DMAC2: variants seen among roughly 807,000 people sequenced by gnomAD.
The protein encoded by DMAC2 is distal membrane arm assembly component 2, also known as distal membrane-arm assembly complex protein 2.
Under a neutral mutation model 29.6 loss-of-function variants are expected in DMAC2, and 32 were observed. The observed-to-expected ratio is 1.08, with a 90% CI of 0.81 to 1.45. The LOEUF is 1.45. DMAC2 is among the 40% of genes most tolerant of loss of function. The pLI, the probability that DMAC2 is intolerant of heterozygous loss-of-function variation, is 0.00. For synonymous variants in DMAC2, 133 were observed against 137.4 expected, an observed-to-expected ratio of 0.97 and a Z score of 0.23; for missense variants, 319 against 340.0, an observed-to-expected ratio of 0.94 and a Z score of 0.49.
In DMAC2 at chr19:41,438,362, C is replaced by T. The variant is rs200646614; in HGVS notation, c.71G>A (p.Arg24His). 25 of 1,614,206 alleles carry T rather than the reference C, an allele frequency of 1.5e-5. No individual in the cohort carries two copies. The East Asian group carries it at 2.9e-4, about 19-fold the overall frequency. Residue 24 changes from arginine to histidine, a missense_variant, in exon 2 of 6, where the codon CGC becomes CAC. Physicochemically the swap from Arg to His is conservative, Grantham distance 29 (BLOSUM62 0). Transcript: ENST00000221943. ...MWNGRIRGIH[R>H]LGAAVAPEGN... ...CTCTGGGGCCACTGCCGCACCCAGG[C>T]GATGGATGCCCCTGATACGCCCATT...
chr19:41,438,039 G>A (rs1340711716), intron 2 of DMAC2, among the ~76,000 whole-genome samples, 179 bp downstream of exon 2: 2 of 152,196 alleles, frequency 1.3e-5, no homozygotes, highest in Middle Eastern at 3.2e-3. Context: ...GGAGCTGGTG[G>A]GTGGCAAACT....
In DMAC2 at chr19:41,435,574, A is replaced by G. The variant is rs1047016874; in HGVS notation, c.296+818T>C. Among the ~76,000 whole-genome samples the G allele has an allele frequency of 1.4e-5, 2 of 147,030 alleles. 1 individual carries two copies. Among genetic ancestry groups the G allele is most frequent in the Admixed American group, 1.4e-4 (2 of 14,734 alleles). ...TGTGAGCCACCGCGCCCGGCCTATT[A>G]TTATTTTTTGTGATGAGGTCTCCCT... On this transcript the variant is annotated intron_variant, in intron 3 of 5. Transcript: ENST00000221943.
At chr19:41,436,771 A>C (rs1454479500) in intron 2 of DMAC2, among the ~76,000 whole-genome samples, 2 of 152,198 alleles carry the variant, frequency 1.3e-5, no homozygotes, top group Non-Finnish European at 2.9e-5. Flanking sequence ...CAATTCCATG[A>C]CCAAACAAAG....
At chr19:41,436,931 G>C (rs536302379) in intron 2 of DMAC2, among the ~76,000 whole-genome samples, 28 of 152,274 alleles carry the variant, frequency 1.8e-4, no homozygotes, top group Middle Eastern at 6.8e-3. Context: ...ACTTGAATTA[G>C]GATGGTTGAA....
At chr19:41,439,809 C>T (rs1000673815) in intron 1 of DMAC2, 73 bp downstream of exon 1, 1 of 1,605,814 alleles carries the variant, frequency 6.2e-7, no homozygotes, top group African/African-American at 1.3e-5. Flanking sequence ...TCGTGGCCGC[C>T]AACAGAGGCC....
chr19:41,432,168 T>G lies in DMAC2; in HGVS notation c.*63A>C. 21 of 1,547,686 alleles carry G rather than the reference T, an allele frequency of 1.4e-5. No homozygotes were observed. Among genetic ancestry groups the G allele is most frequent in the Non-Finnish European group, 1.8e-5 (20 of 1,136,410 alleles). ...AGACAAATGGAAGCCAGAAGTGTGGTGAGCTACCAGACATTCCATGCAGCC... is the reference window on the plus strand; with the variant it reads ...AGACAAATGGAAGCCAGAAGTGTGGGGAGCTACCAGACATTCCATGCAGCC... On this transcript the variant is annotated 3_prime_UTR_variant, in exon 6 of 6. Coordinates refer to ENST00000221943, the MANE Select transcript of DMAC2 (RefSeq NM_018035.3).
intron 3 of DMAC2, among the ~76,000 whole-genome samples, chr19:41,434,518 G>A (rs1222073868): frequency 2.0e-5 from 3 of 152,014 alleles, no homozygotes; most frequent in African/African-American, 7.3e-5. Flanking sequence ...CTTGTAGATG[G>A]GCAGAAGTTA....
chr19:41,434,756 G>A (rs1555770727), intron 3 of DMAC2, among the ~76,000 whole-genome samples: 1 of 152,172 alleles, frequency 6.6e-6, no homozygotes, highest in East Asian at 1.9e-4. Flanking sequence ...GTAATCCCCA[G>A]CACTTTGGGA....
At chr19:41,439,325 A>G (rs2040032485) in intron 1 of DMAC2, 2 of 557,604 alleles carry the variant, frequency 3.6e-6, no homozygotes, top group South Asian at 5.0e-5. Context: ...CCTTGATTTT[A>G]AATCCTCTGA....
chr19:41,438,136 G>A, intron 2 of DMAC2, 82 bp downstream of exon 2: 2 of 1,344,958 alleles, frequency 1.5e-6, no homozygotes, highest in Non-Finnish European at 2.1e-6. Flanking sequence ...AAGCCACAGT[G>A]CTGCCTGGGA....
chr19:41,433,291 C>T lies in DMAC2; in HGVS notation c.577G>A (p.Ala193Thr), dbSNP rs144637709. The T allele has an allele frequency of 3.8e-4, 608 of 1,608,930 alleles. No homozygotes were observed. The highest frequency in any genetic ancestry group is 5.5e-4 in the Middle Eastern group (3 of 5,410). ...TCTCACTGGAGGTGGTGGAGGCAGG[C>T]GAGGCCCCGTTCGGAGATGCGGGGG... is the stretch of plus-strand genomic sequence containing the variant. ...GCPRISERGLACLHHLQNLRR... is the reference protein window; with the variant it reads ...GCPRISERGLTCLHHLQNLRR... Residue 193 changes from alanine (A) to threonine (T), a missense_variant, in exon 5 of 6, where the codon GCC becomes ACC. By Grantham distance (58) the Ala-to-Thr change is moderately conservative. Transcript: ENST00000221943.
Position 41,432,187 on chromosome 19 carries a change from T to C in DMAC2, c.*44A>G, listed in dbSNP as rs960866132. On this transcript the variant is annotated 3_prime_UTR_variant, in exon 6 of 6. Transcript: ENST00000221943. The stretch of plus-strand genomic sequence containing the variant: ...GTGTGGTGAGCTACCAGACATTCCA[T>C]GCAGCCCGCTGAGAAGCCACGTGAG... 6 of 1,586,614 alleles carry C rather than the reference T, an allele frequency of 3.8e-6. No homozygotes were observed. Among genetic ancestry groups the C allele is most frequent in the Non-Finnish European group, 5.2e-6 (6 of 1,163,466 alleles).
rs782440252 is a variant in DMAC2, at chr19:41,432,302, C to G, written c.703G>C (p.Asp235His). ...MLPNCEVVGV[D>H]WAEGLKSGPE... ...CCTGACTTCAGGCCCTCAGCCCAGT[C>G]GACTCCCACAACCTCGCAATTGGGC... Residue 235 changes from aspartate (D) to histidine (H), a missense_variant, in exon 6 of 6, where the codon GAC (aspartate) becomes CAC (histidine). By Grantham distance (81) the Asp-to-His change is moderately conservative (BLOSUM62 -1). Transcript: ENST00000221943. 1 of 1,614,158 alleles carries G rather than the reference C, an allele frequency of 6.2e-7. No homozygotes were observed. The highest frequency in any genetic ancestry group is 1.1e-5 in the South Asian group (1 of 91,084).
chr19:41,433,647 G>A lies in DMAC2; in HGVS notation c.323C>T (p.Pro108Leu). The part of the protein sequence containing the change: ...VKFRDKEWIR[P>L]DKYGHFSQEF... ...CTGAGAGAAATGGCCATACTTATCT[G>A]GCCTGATCCACTCCTTGTCTCGAAA... Residue 108 changes from proline to leucine, a missense_variant, in exon 4 of 6, where the codon CCA becomes CTA. Pro to Leu is a moderately conservative substitution (Grantham distance 98). Coordinates refer to ENST00000221943, the MANE Select transcript of DMAC2 (RefSeq NM_018035.3). 6.2e-7 allele frequency: 1 copy of A among 1,614,178 alleles called. No individual in the cohort carries two copies. Among genetic ancestry groups the A allele is most frequent in the Non-Finnish European group, 8.5e-7 (1 of 1,180,032 alleles).
Position 41,439,866 on chromosome 19 carries a change from A to G in DMAC2, c.18+16T>C. On this transcript the variant is annotated intron_variant, in intron 1 of 5. Transcript: ENST00000221943. ...CGGACTTCAAATTTGGGGCTCTAGGAACTCCGGTCACTTACCGCCCAGGGA... is the reference window on the plus strand; with the variant it reads ...CGGACTTCAAATTTGGGGCTCTAGGGACTCCGGTCACTTACCGCCCAGGGA... The G allele has an allele frequency of 6.2e-7, 1 of 1,614,160 alleles. No individual in the cohort carries two copies. Among genetic ancestry groups the G allele is most frequent in the Non-Finnish European group, 8.5e-7 (1 of 1,180,026 alleles).
At chr19:41,439,670 T>G in intron 1 of DMAC2, 1 of 1,332,072 alleles carries the variant, frequency 7.5e-7, no homozygotes. Context: ...CCCTGCCTCC[T>G]CTCGCTCGCT....
At chr19:41,434,547 G>T (rs1029663046) in intron 3 of DMAC2, among the ~76,000 whole-genome samples, 1 of 152,066 alleles carries the variant, frequency 6.6e-6, no homozygotes, top group Non-Finnish European at 1.5e-5. Context: ...TTTCAAACAT[G>T]TATACTGTTT....
At chr19:41,432,429 C>T (rs147501833) in intron 5 of DMAC2, 21 bp from the exon 6 acceptor site, 3 of 1,610,898 alleles carry the variant, frequency 1.9e-6, no homozygotes, top group Admixed American at 3.3e-5. Flanking sequence ...GTGAGAAGGA[C>T]AGGAAGCCAG....
chr19:41,434,863 G>A (rs1373590135), intron 3 of DMAC2, among the ~76,000 whole-genome samples: 2 of 151,872 alleles, frequency 1.3e-5, no homozygotes, highest in Non-Finnish European at 2.9e-5. Context: ...AAAATTAGCC[G>A]GGCGTGGTAG....
Sources: gnomAD v4.1 joint callset for allele counts (sites outside exome capture counted in the v4.1 genomes callset) on GRCh38, gnomAD v4.1.1 for gene constraint, MANE v1.5 for transcripts, NCBI Gene and HGNC (gene_info 2026-07-23, HGNC 2026-07-21) for gene names.